The following ZNF491 variants were observed in gnomAD, a reference collection of about 807,000 sequenced individuals.
ZNF491 encodes zinc finger protein 491.
A neutral mutation model predicts 34.7 loss-of-function variants in ZNF491; 22 were observed. The ratio of observed to expected loss-of-function variants is 0.63; its 90% CI spans 0.45 to 0.90. The LOEUF (loss-of-function observed/expected upper bound fraction) is 0.90. Ranked by LOEUF, ZNF491 falls within the 40% of genes least tolerant of loss-of-function variation. The pLI, the probability that ZNF491 is intolerant of heterozygous loss-of-function variation, is 0.00. For missense variants in ZNF491, 559 were observed against 531.7 expected, an observed-to-expected ratio of 1.05 and a Z score of -0.51; for synonymous variants, 148 against 174.3, an observed-to-expected ratio of 0.85 and a Z score of 1.19.
At chr19:11,799,929 A>T (rs866670407) in intron 1 of ZNF491, among the ~76,000 whole-genome samples, 1 of 98,266 alleles carries the variant, frequency 1.0e-5, no homozygotes, top group African/African-American at 6.0e-5. Context: ...AGACTCTGTT[A>T]AAAAAAAAAA....
chr19:11,806,223 T>A lies in ZNF491; in HGVS notation c.270T>A (p.Phe90Leu). 1 of 1,613,522 alleles carries A rather than the reference T, an allele frequency of 6.2e-7. No individual in the cohort carries two copies. The highest frequency in any genetic ancestry group is 8.5e-7 in the Non-Finnish European group (1 of 1,179,870). ...AAGCCTTGAGCCATAGCCACTGCTT[T>A]CGAACACATGAAAGGCCTCACACTA... The part of the protein sequence containing the change: ...RRKALSHSHC[F>L]RTHERPHTRE... Residue 90 changes from phenylalanine (F) to leucine (L), a missense_variant, in exon 3 of 3, where the codon TTT (phenylalanine) becomes TTA (leucine). Transcript: ENST00000323169.
chr19:11,801,978 A>T (rs1975563484), intron 1 of ZNF491, among the ~76,000 whole-genome samples: 1 of 151,992 alleles, frequency 6.6e-6, no homozygotes, highest in African/African-American at 2.4e-5. Flanking sequence ...AATGGATTTC[A>T]ATTCATTTTA....
In ZNF491 at chr19:11,806,497, A is replaced by C. The variant is rs755745473; in HGVS notation, c.544A>C (p.Thr182Pro). The C allele has an allele frequency of 6.2e-7, 1 of 1,614,090 alleles. No individual in the cohort carries two copies. Among genetic ancestry groups the C allele is most frequent in the Non-Finnish European group, 8.5e-7 (1 of 1,180,002 alleles). ...SSVRIHERTH[T>P]GEKPYECKEC... ...TGTTCGAATCCATGAAAGAACTCAC[A>C]CTGGGGAGAAGCCATATGAATGTAA... is the stretch of plus-strand genomic sequence containing the variant. Residue 182 changes from threonine (T) to proline (P), a missense_variant, in exon 3 of 3, where the codon ACT (threonine) becomes CCT (proline). Physicochemically the swap from Thr to Pro is conservative, Grantham distance 38. Coordinates refer to ENST00000323169, the MANE Select transcript of ZNF491 (RefSeq NM_152356.4).
chr19:11,803,657 A>T (rs978811749), intron 1 of ZNF491, among the ~76,000 whole-genome samples: 1 of 152,162 alleles, frequency 6.6e-6, no homozygotes. Context: ...AATTTTTCTC[A>T]TGATTAGACT....
chr19:11,807,407 G>A lies in ZNF491; in HGVS notation c.*140G>A. 1 of 590,416 alleles carries A rather than the reference G, an allele frequency of 1.7e-6. No individual in the cohort carries two copies. The highest frequency in any genetic ancestry group is 3.8e-5 in the South Asian group (1 of 26,354). The allele number at this position is 590,416 out of a possible 1,614,324, so 36.6% of individuals were successfully genotyped here. ...AGGAAGGCAATAAAATGTAGAGATGGAGTTAGGTGATGCCACGCTGGGATT... is the reference window on the plus strand; with the variant it reads ...AGGAAGGCAATAAAATGTAGAGATGAAGTTAGGTGATGCCACGCTGGGATT... On this transcript the variant is annotated 3_prime_UTR_variant, in exon 3 of 3. Transcript: ENST00000323169.
chr19:11,806,262 T>A lies in ZNF491; in HGVS notation c.309T>A (p.Phe103Leu). 1 of 1,608,000 alleles carries A rather than the reference T, an allele frequency of 6.2e-7. No homozygotes were observed. The highest frequency in any genetic ancestry group is 1.3e-5 in the African/African-American group (1 of 74,480). Residue 103 changes from phenylalanine to leucine, a missense_variant, in exon 3 of 3, where the codon TTT becomes TTA. Coordinates refer to ENST00000323169, the MANE Select transcript of ZNF491 (RefSeq NM_152356.4). ...HERPHTREKP[F>L]DCKECEKSFI... ...GGCCTCACACTAGAGAGAAACCTTT[T>A]GATTGTAAGGAATGTGAAAAATCTT...
chr19:11,802,065 T>A (rs1292387721), intron 1 of ZNF491, among the ~76,000 whole-genome samples: 1 of 152,200 alleles, frequency 6.6e-6, no homozygotes, highest in Non-Finnish European at 1.5e-5. Context: ...TTGATCTTCC[T>A]GCCTCAGCCT....
At chr19:11,803,626 A>G (rs1237252859) in intron 1 of ZNF491, among the ~76,000 whole-genome samples, 1 of 152,132 alleles carries the variant, frequency 6.6e-6, no homozygotes, top group East Asian at 1.9e-4. Context: ...CAGGTATTCC[A>G]TAGAATGTTC....
chr19:11,805,317 A>G (rs1975596771), intron 2 of ZNF491, among the ~76,000 whole-genome samples: 1 of 151,024 alleles, frequency 6.6e-6, no homozygotes, highest in Non-Finnish European at 1.5e-5. Flanking sequence ...GTTGAGGCAG[A>G]AGAGTCGCTT....
At chr19:11,805,658 G>C (rs189959554) in intron 2 of ZNF491, among the ~76,000 whole-genome samples, 2 of 152,180 alleles carry the variant, frequency 1.3e-5, no homozygotes, top group Admixed American at 6.5e-5. Context: ...GATCAGCCTG[G>C]GAGACACAGC....
chr19:11,807,196 GA>G lies in ZNF491; in HGVS notation c.1245del (p.Glu415AspfsTer30). 6.3e-7 allele frequency: 1 copy of G among 1,592,552 alleles called. No individual in the cohort carries two copies. Among genetic ancestry groups the G allele is most frequent in the South Asian group, 1.1e-5 (1 of 87,180 alleles). ...TGGAGAGAAACCTTACCAATGTAAG[GA>G]ATGTGGGAAAGCCTTCATTCGTTCC... ...HTGEKPYQCK[E>X]CGKAFIRSSY... On this transcript the variant is annotated frameshift_variant, in exon 3 of 3. Transcript: ENST00000323169. LOFTEE classifies it high-confidence loss of function.
At chr19:11,805,333 C>T (rs768253521) in intron 2 of ZNF491, among the ~76,000 whole-genome samples, 1 of 142,348 alleles carries the variant, frequency 7.0e-6, no homozygotes, top group African/African-American at 2.6e-5. Flanking sequence ...CGCTTGAATC[C>T]GGGAGGTGGA....
intron 1 of ZNF491, among the ~76,000 whole-genome samples, chr19:11,801,835 C>A (rs1235163359): frequency 1.3e-5 from 2 of 151,946 alleles, no homozygotes; most frequent in African/African-American, 4.8e-5. Context: ...AAGTTTCATG[C>A]CTGTTGTAGT....
At position 11,806,740 on chromosome 19, in the gene ZNF491, A is replaced by G. The variant is rs779861105; in HGVS notation, c.787A>G (p.Arg263Gly). ...CCTTATAAGCTTTCGAAGACACATG[A>G]GAATGCACACTGGAGAGAGGCCTCA... is the stretch of plus-strand genomic sequence containing the variant. ...SRLISFRRHM[R>G]MHTGERPHKC... The change falls in exon 3 of 3, where the codon AGA becomes GGA. Residue 263 changes from arginine to glycine, a missense_variant. Transcript: ENST00000323169. 2 of 1,613,960 alleles carry G rather than the reference A, an allele frequency of 1.2e-6. No individual in the cohort carries two copies. The highest frequency in any genetic ancestry group is 2.2e-5 in the South Asian group (2 of 91,052).
Position 11,807,169 on chromosome 19 carries a change from A to G in ZNF491, c.1216A>G (p.Thr406Ala), listed in dbSNP as rs1222023939. 2 of 1,608,952 alleles carry G rather than the reference A, an allele frequency of 1.2e-6. No homozygotes were observed. The highest frequency in any genetic ancestry group is 1.7e-5 in the Admixed American group (1 of 58,866). Residue 406 changes from threonine to alanine, a missense_variant, in exon 3 of 3, where the codon ACT (threonine) becomes GCT (alanine). Coordinates refer to ENST00000323169, the MANE Select transcript of ZNF491 (RefSeq NM_152356.4). Reference sequence around the variant, plus strand: ...TATTAGAATACATGAAAGAATTCACACTGGAGAGAAACCTTACCAATGTAA... The same window carrying G: ...TATTAGAATACATGAAAGAATTCACGCTGGAGAGAAACCTTACCAATGTAA... ...IYIRIHERIH[T>A]GEKPYQCKEC...
intron 1 of ZNF491, among the ~76,000 whole-genome samples, chr19:11,803,043 T>C (rs950378233): frequency 1.3e-5 from 2 of 151,110 alleles, no homozygotes; most frequent in African/African-American, 4.9e-5. Context: ...GTGCAGTGGC[T>C]CTCTCTTGGC....
chr19:11,806,167 G>A lies in ZNF491; in HGVS notation c.214G>A (p.Glu72Lys), dbSNP rs1975608530. Residue 72 changes from glutamate to lysine, a missense_variant, in exon 3 of 3, where the codon GAG becomes AAG. Transcript: ENST00000323169. ...HQPHKCQKFL[E>K]KPYKHKQRRK... ...ACCACATAAGTGTCAGAAATTTTTA[G>A]AGAAGCCATATAAACATAAACAACG... 6.2e-7 allele frequency: 1 copy of A among 1,613,952 alleles called. No individual in the cohort carries two copies. The highest frequency in any genetic ancestry group is 8.5e-7 in the Non-Finnish European group (1 of 1,180,010).
At chr19:11,802,980 CTTTT>C (rs60046800) in intron 1 of ZNF491, among the ~76,000 whole-genome samples, 1 of 136,778 alleles carries the variant, frequency 7.3e-6, no homozygotes. Context: ...TTTTCCTATT[CTTTT>C]TTTTTTTTTT....
intron 1 of ZNF491, among the ~76,000 whole-genome samples, chr19:11,803,246 G>A (rs1975574914): frequency 6.6e-6 from 1 of 152,094 alleles, no homozygotes; most frequent in African/African-American, 2.4e-5. Context: ...GCCTCCCAAA[G>A]TGCTGGGATT....
Sources: gnomAD v4.1 joint callset for allele counts (sites outside exome capture counted in the v4.1 genomes callset) on GRCh38, gnomAD v4.1.1 for gene constraint, MANE v1.5 for transcripts, NCBI Gene and HGNC (gene_info 2026-07-23, HGNC 2026-07-21) for gene names.